The following TRHR variants were observed in gnomAD, a reference collection of about 807,000 sequenced individuals.
TRHR encodes thyrotropin releasing hormone receptor, also known as thyrotropin-releasing hormone receptor.
TRHR carries 14 observed loss-of-function variants against 28.0 expected under a neutral mutation model. The observed-to-expected ratio is 0.50, with a 90% CI of 0.33 to 0.78. TRHR has a LOEUF of 0.78. Ranked by LOEUF, TRHR falls within the 30% of genes least tolerant of loss-of-function variation. The pLI, the probability that TRHR is intolerant of heterozygous loss-of-function variation, is 0.02. For missense variants in TRHR, 438 were observed against 469.5 expected (o/e 0.93, Z 0.62); for synonymous variants, 176 against 171.9 (o/e 1.02, Z -0.18).
chr8:109,110,796 T>A (rs1369117416), intron 2 of TRHR, among the ~76,000 whole-genome samples: 1 of 152,180 alleles, frequency 6.6e-6, no homozygotes, highest in Non-Finnish European at 1.5e-5. Flanking sequence ...ATTCAACTTT[T>A]AAGCCCCATG....
At position 109,119,359 on chromosome 8, in the gene TRHR, T is replaced by C; in HGVS notation, c.1101T>C (p.Leu367=). ...IKESDHFSTE[L]DDITVTDTYL... Reference sequence around the variant, plus strand: ...AGTCAGACCATTTCAGCACAGAGCTTGATGATATCACTGTCACTGACACTT... The same window carrying C: ...AGTCAGACCATTTCAGCACAGAGCTCGATGATATCACTGTCACTGACACTT... Residue 367 remains leucine (L), a synonymous_variant, in exon 3 of 3, where the codon CTT becomes CTC. Transcript: ENST00000518632. 1 of 1,612,446 alleles carries C rather than the reference T, an allele frequency of 6.2e-7. No homozygotes were observed. The highest frequency in any genetic ancestry group is 8.5e-7 in the Non-Finnish European group (1 of 1,179,050).
At chr8:109,112,909 A>C (rs997745629) in intron 2 of TRHR, among the ~76,000 whole-genome samples, 1 of 152,110 alleles carries the variant, frequency 6.6e-6, no homozygotes, top group Non-Finnish European at 1.5e-5. Context: ...TTGTCCTACA[A>C]ATTTCAGAGT....
chr8:109,106,826 GT>G (rs1481929000), intron 2 of TRHR, among the ~76,000 whole-genome samples: 12 of 152,114 alleles, frequency 7.9e-5, no homozygotes, highest in Non-Finnish European at 1.3e-4. Flanking sequence ...TTTCCTGAAC[GT>G]TTATTGCACC....
In TRHR at chr8:109,120,517, A is replaced by G. The variant is rs1811992387; in HGVS notation, c.*1062A>G. ...ATTGTAGTCTATGGATTTTACCTTG[A>G]CTGCAATTGTCTTTCCTTCCTATCT... On this transcript the variant is annotated 3_prime_UTR_variant, in exon 3 of 3. Transcript: ENST00000518632. 1.3e-5 allele frequency among the ~76,000 whole-genome samples: 2 copies of G among 151,576 alleles called. No individual in the cohort carries two copies.
At chr8:109,117,251 C>T (rs1811935519) in intron 2 of TRHR, among the ~76,000 whole-genome samples, 1 of 151,882 alleles carries the variant, frequency 6.6e-6, no homozygotes, top group South Asian at 2.1e-4. Context: ...TAGGAAGGAG[C>T]ATGACCTTTG....
intron 2 of TRHR, among the ~76,000 whole-genome samples, chr8:109,099,777 T>C (rs1811648813): frequency 6.6e-6 from 1 of 152,232 alleles, no homozygotes; most frequent in South Asian, 2.1e-4. Context: ...CTTTTGGCTA[T>C]AATCCTTGGA....
At chr8:109,103,589 C>G (rs1811708673) in intron 2 of TRHR, among the ~76,000 whole-genome samples, 1 of 152,108 alleles carries the variant, frequency 6.6e-6, no homozygotes, top group African/African-American at 2.4e-5. Flanking sequence ...ATCAATCTAC[C>G]ACTCTTCACA....
At chr8:109,093,400 C>CTTTTTTT (rs34645119) in intron 2 of TRHR, among the ~76,000 whole-genome samples, 61 of 77,392 alleles carry the variant, frequency 7.9e-4, no homozygotes, top group Non-Finnish European at 9.7e-4. Context: ...GTGCTATTTA[C>CTTTTTTT]TTTTTTTTTT....
intron 2 of TRHR, among the ~76,000 whole-genome samples, chr8:109,098,353 A>C (rs1811626483): frequency 6.6e-6 from 1 of 151,542 alleles, no homozygotes; most frequent in Non-Finnish European, 1.5e-5. Flanking sequence ...GCTGCTCTCA[A>C]ACTCCTGGGC....
intron 2 of TRHR, among the ~76,000 whole-genome samples, chr8:109,117,811 C>T (rs1372930327): frequency 6.6e-6 from 1 of 151,892 alleles, no homozygotes; most frequent in Non-Finnish European, 1.5e-5. Flanking sequence ...CCCTCTTTGG[C>T]TCTAAAAGAA....
intron 2 of TRHR, among the ~76,000 whole-genome samples, chr8:109,117,794 A>G (rs1354835930): frequency 6.6e-6 from 1 of 151,950 alleles, no homozygotes; most frequent in African/African-American, 2.4e-5. Context: ...CCCCTTTGCT[A>G]AGTAGACCCT....
chr8:109,101,404 A>G lies in TRHR; in HGVS notation c.789+13103A>G, dbSNP rs562952023. On this transcript the variant is annotated intron_variant, in intron 2 of 2. Coordinates refer to ENST00000518632, the MANE Select transcript of TRHR (RefSeq NM_003301.7). ...CCTGAATTCCAATTTCACCCCTTGG[A>G]GCGAGAGCCAGGTTTGGCTGCAGAC... Among the ~76,000 whole-genome samples, 83 of 152,252 alleles carry G rather than the reference A, an allele frequency of 5.5e-4. No homozygotes were observed. In the South Asian group the frequency reaches 5.8e-3, roughly 11 times the overall value.
intron 1 of TRHR, 65 bp downstream of exon 1, chr8:109,086,948 A>G (rs932895475): frequency 6.3e-6 from 1 of 158,684 alleles, no homozygotes; most frequent in African/African-American, 2.4e-5. Context: ...TGTCATCTCA[A>G]AGGCTTGCTA....
At chr8:109,086,986 G>C (rs1056951214) in intron 1 of TRHR, 103 bp downstream of exon 1, 4 of 164,036 alleles carry the variant, frequency 2.4e-5, no homozygotes, top group Admixed American at 1.2e-4. Flanking sequence ...CTCACCCTCT[G>C]AGAGCAAAAG....
intron 2 of TRHR, among the ~76,000 whole-genome samples, chr8:109,095,534 A>G (rs529365135): frequency 6.6e-5 from 10 of 152,098 alleles, no homozygotes; most frequent in Non-Finnish European, 1.3e-4. Flanking sequence ...TGGTCCTGCT[A>G]CACCTAATTC....
At chr8:109,102,627 C>T (rs1811693836) in intron 2 of TRHR, among the ~76,000 whole-genome samples, 1 of 151,936 alleles carries the variant, frequency 6.6e-6, no homozygotes, top group South Asian at 2.1e-4. Flanking sequence ...AAGTTGGTCT[C>T]TATTTTTTCA....
intron 2 of TRHR, among the ~76,000 whole-genome samples, chr8:109,097,989 T>C (rs1350928577): frequency 1.3e-5 from 2 of 152,144 alleles, no homozygotes; most frequent in Non-Finnish European, 2.9e-5. Flanking sequence ...CCTCTGAAAT[T>C]CCTCCCACAT....
At chr8:109,099,178 G>A (rs1179724750) in intron 2 of TRHR, among the ~76,000 whole-genome samples, 4 of 152,136 alleles carry the variant, frequency 2.6e-5, no homozygotes, top group Non-Finnish European at 5.9e-5. Context: ...GAGTTTTATG[G>A]AGGAGTTAGA....
chr8:109,094,411 C>A (rs190892221), intron 2 of TRHR, among the ~76,000 whole-genome samples: 12 of 152,046 alleles, frequency 7.9e-5, no homozygotes, highest in Admixed American at 2.0e-4. Flanking sequence ...ACTGCTGCGC[C>A]CAGCTTATCT....
Sources: allele counts gnomAD v4.1 joint callset (sites outside exome capture counted in the v4.1 genomes callset), GRCh38; gene constraint gnomAD v4.1.1; transcripts MANE v1.5; gene names NCBI Gene and HGNC (gene_info 2026-07-23, HGNC 2026-07-21).